Variants in PRR16 observed in about 807,000 individuals in gnomAD.
The protein encoded by PRR16 is proline rich 16.
In PRR16, 6 loss-of-function variants were observed where a neutral mutation model predicts 18.2. That is an observed-to-expected ratio of 0.33 (90% confidence interval 0.18 to 0.65). The LOEUF (loss-of-function observed/expected upper bound fraction) is 0.65. Ranked by LOEUF, PRR16 falls within the 30% of genes least tolerant of loss-of-function variation. The probability of loss-of-function intolerance (pLI) is 0.74; values close to 1 mark genes in which losing one functional copy is unlikely to be tolerated. For synonymous variants in PRR16, 151 were observed against 147.8 expected (o/e 1.02, Z -0.16); for missense variants, 412 against 376.6 (o/e 1.09, Z -0.78).
chr5:120,481,115 A>G, intron 1 of PRR16: 1 of 1,189,122 alleles, frequency 8.4e-7, no homozygotes, highest in Non-Finnish European at 1.1e-6. Context: ...CAAATTAAAC[A>G]CAGCTACTTT....
At chr5:120,554,416 C>G (rs1244386938) in intron 1 of PRR16, among the ~76,000 whole-genome samples, 1 of 151,734 alleles carries the variant, frequency 6.6e-6, no homozygotes, top group Admixed American at 6.6e-5. Context: ...ATTTTTTAAA[C>G]AAAACTAGGT....
chr5:120,564,908 C>A (rs972436912), intron 1 of PRR16, among the ~76,000 whole-genome samples: 1 of 150,404 alleles, frequency 6.6e-6, no homozygotes, highest in South Asian at 2.1e-4. Context: ...ATGGCTTGAA[C>A]TGGGGAGGTG....
chr5:120,498,691 G>T (rs1176492085), intron 1 of PRR16, among the ~76,000 whole-genome samples: 1 of 151,486 alleles, frequency 6.6e-6, no homozygotes, highest in African/African-American at 2.4e-5. Flanking sequence ...ATTCTTTTAG[G>T]AAAGGTCGTC....
At chr5:120,759,022 G>T in the PRR16 span, among the ~76,000 whole-genome samples, 88 of 142,194 alleles carry the variant, frequency 6.2e-4, no homozygotes, top group African/African-American at 2.1e-3. Flanking sequence ...TGTCACCCAG[G>T]CTGGAGTGCA....
the PRR16 span, among the ~76,000 whole-genome samples, chr5:120,765,895 C>A: frequency 6.6e-6 from 1 of 151,900 alleles, no homozygotes; most frequent in Non-Finnish European, 1.5e-5. Context: ...TTGAGTGATC[C>A]TGTGTTTACA....
At chr5:120,623,012 AT>A (rs1363879777) in intron 1 of PRR16, among the ~76,000 whole-genome samples, 9 of 151,872 alleles carry the variant, frequency 5.9e-5, no homozygotes, top group African/African-American at 1.2e-4. Flanking sequence ...TAATTTATGA[AT>A]TTTTTTTCAC....
At chr5:120,508,727 T>A (rs909614369) in intron 1 of PRR16, among the ~76,000 whole-genome samples, 6 of 152,234 alleles carry the variant, frequency 3.9e-5, no homozygotes, top group African/African-American at 1.4e-4. Flanking sequence ...ATTTTTACTT[T>A]GAGTGTTTTC....
chr5:120,608,426 G>C (rs897672140), intron 1 of PRR16, among the ~76,000 whole-genome samples: 1 of 152,256 alleles, frequency 6.6e-6, no homozygotes, highest in African/African-American at 2.4e-5. Flanking sequence ...GATTACATTA[G>C]TTTTCAACAT....
At chr5:120,784,198 ATTTC>A in the PRR16 span, among the ~76,000 whole-genome samples, 1 of 152,066 alleles carries the variant, frequency 6.6e-6, no homozygotes, top group African/African-American at 2.4e-5. Flanking sequence ...AATATACTGA[ATTTC>A]TTTCTTTTGG....
intron 1 of PRR16, among the ~76,000 whole-genome samples, chr5:120,647,375 T>C (rs1315526596): frequency 6.6e-6 from 1 of 150,674 alleles, no homozygotes; most frequent in Non-Finnish European, 1.5e-5. Context: ...TAAAACCTGC[T>C]TAATTTTTTA....
intron 1 of PRR16, among the ~76,000 whole-genome samples, chr5:120,624,594 T>A (rs1231630973): frequency 6.6e-6 from 1 of 152,172 alleles, no homozygotes; most frequent in African/African-American, 2.4e-5. Flanking sequence ...TCTCTGTGCC[T>A]CAGTTATCTT....
the PRR16 span, among the ~76,000 whole-genome samples, chr5:120,713,244 C>T: frequency 6.6e-6 from 1 of 152,080 alleles, no homozygotes; most frequent in Non-Finnish European, 1.5e-5. Context: ...AATAAAAATA[C>T]TGCATAATTT....
At chr5:120,533,061 G>T (rs1205145983) in intron 1 of PRR16, among the ~76,000 whole-genome samples, 2 of 152,106 alleles carry the variant, frequency 1.3e-5, no homozygotes, top group Non-Finnish European at 2.9e-5. Flanking sequence ...TCCACCTTGT[G>T]GGGGCTACGG....
chr5:120,471,640 T>G (rs1226855331), intron 1 of PRR16, among the ~76,000 whole-genome samples: 2 of 152,138 alleles, frequency 1.3e-5, no homozygotes, highest in Non-Finnish European at 2.9e-5. Flanking sequence ...ATATAAGGGT[T>G]ATAAGAAATG....
chr5:120,571,099 G>T (rs1379595902), intron 1 of PRR16, among the ~76,000 whole-genome samples: 3 of 152,076 alleles, frequency 2.0e-5, no homozygotes, highest in South Asian at 4.1e-4. Context: ...GAAGTAATAA[G>T]CCATGTTTTA....
At chr5:120,523,713 A>T (rs935388290) in intron 1 of PRR16, among the ~76,000 whole-genome samples, 5 of 152,178 alleles carry the variant, frequency 3.3e-5, no homozygotes, top group African/African-American at 1.2e-4. Flanking sequence ...ATGTATATTT[A>T]AATTAATACA....
At chr5:120,584,476 A>G (rs1358568141) in intron 1 of PRR16, among the ~76,000 whole-genome samples, 3 of 152,178 alleles carry the variant, frequency 2.0e-5, no homozygotes, top group Non-Finnish European at 4.4e-5. Context: ...TTTAATTGCT[A>G]AAATTTTTTC....
At chr5:120,562,544 C>A (rs952251848) in intron 1 of PRR16, among the ~76,000 whole-genome samples, 11 of 151,944 alleles carry the variant, frequency 7.2e-5, no homozygotes. Flanking sequence ...GTTTTGTAGT[C>A]TTCTCTTCCT....
the PRR16 span, among the ~76,000 whole-genome samples, chr5:120,753,888 T>C: frequency 4.1e-3 from 522 of 126,946 alleles, 7 homozygotes; most frequent in African/African-American, 0.015. Flanking sequence ...TTATATATTA[T>C]ATATAATATA....
Sources: allele counts gnomAD v4.1 joint callset (sites outside exome capture counted in the v4.1 genomes callset), GRCh38; gene constraint gnomAD v4.1.1; transcripts MANE v1.5; gene names NCBI Gene and HGNC (gene_info 2026-07-23, HGNC 2026-07-21).